SV2C: variants seen among roughly 807,000 people sequenced by gnomAD.
SV2C encodes solute carrier family 22 member B3.
A neutral mutation model predicts 79.7 loss-of-function variants in SV2C; 49 were observed. The ratio of observed to expected loss-of-function variants is 0.61; its 90% CI spans 0.49 to 0.78. The LOEUF (loss-of-function observed/expected upper bound fraction) is 0.78, where lower values mean the gene tolerates loss of function less well. Ranked by LOEUF, SV2C falls within the 30% of genes least tolerant of loss-of-function variation. SV2C has a pLI of 0.00. For synonymous variants in SV2C, 334 were observed against 333.2 expected, an observed-to-expected ratio of 1.00 and a Z score of -0.03; for missense variants, 833 against 912.9, an observed-to-expected ratio of 0.91 and a Z score of 1.13.
At chr5:75,886,749 G>A in the SV2C span, among the ~76,000 whole-genome samples, 11 of 152,068 alleles carry the variant, frequency 7.2e-5, no homozygotes, top group African/African-American at 1.9e-4. Context: ...CTTGGTGGTC[G>A]AGGGGCGGTG....
chr5:75,864,789 A>G, the SV2C span, among the ~76,000 whole-genome samples: 1 of 152,250 alleles, frequency 6.6e-6, no homozygotes, highest in Non-Finnish European at 1.5e-5. Context: ...AAGTAGACAG[A>G]TTGGCTGATA....
chr5:75,905,932 A>T, the SV2C span, among the ~76,000 whole-genome samples: 1 of 148,156 alleles, frequency 6.7e-6, no homozygotes, highest in East Asian at 2.0e-4. Flanking sequence ...ATGAAGTCAT[A>T]CTAGATAGGG....
intron 4 of SV2C, among the ~76,000 whole-genome samples, chr5:76,274,166 C>T (rs748713969): frequency 3.9e-5 from 6 of 152,204 alleles, no homozygotes; most frequent in Non-Finnish European, 7.3e-5. Context: ...TTTCTCCTCT[C>T]TCTTCTCCCA....
At chr5:76,053,686 A>G in the SV2C span, among the ~76,000 whole-genome samples, 1 of 152,126 alleles carries the variant, frequency 6.6e-6, no homozygotes, top group African/African-American at 2.4e-5. Context: ...TAGGCAACTC[A>G]ATTGTGCTTC....
intron 1 of SV2C, among the ~76,000 whole-genome samples, chr5:76,086,414 A>G (rs905527061): frequency 6.6e-6 from 1 of 152,174 alleles, no homozygotes; most frequent in African/African-American, 2.4e-5. Flanking sequence ...TATTCATATT[A>G]CTCCAGATGA....
At chr5:75,939,045 A>G in the SV2C span, among the ~76,000 whole-genome samples, 1 of 152,182 alleles carries the variant, frequency 6.6e-6, no homozygotes, top group African/African-American at 2.4e-5. Flanking sequence ...TAAACAGGAA[A>G]GATGGGAGGG....
the SV2C span, among the ~76,000 whole-genome samples, chr5:76,063,957 A>G: frequency 2.0e-5 from 3 of 151,464 alleles, no homozygotes; most frequent in Admixed American, 2.0e-4. Flanking sequence ...CTGGATGCCT[A>G]TGAGTTTTGT....
chr5:76,001,414 C>T, the SV2C span, among the ~76,000 whole-genome samples: 6 of 152,108 alleles, frequency 3.9e-5, no homozygotes, highest in African/African-American at 1.4e-4. Context: ...TCCTGGCTAA[C>T]ACGCTGGTCT....
At chr5:75,973,502 AAAG>A in the SV2C span, among the ~76,000 whole-genome samples, 1 of 149,158 alleles carries the variant, frequency 6.7e-6, no homozygotes. Flanking sequence ...CAAAAGAAAA[AAAG>A]AAAAAAAAGA....
At position 76,325,653 on chromosome 5, in the gene SV2C, A is replaced by T; in HGVS notation, c.*106A>T. ...TTCCTATATAGAAAGGTGATCAAGTATCAGAACATAAACACGTGCTGTGAC... is the reference window on the plus strand; with the variant it reads ...TTCCTATATAGAAAGGTGATCAAGTTTCAGAACATAAACACGTGCTGTGAC... On this transcript the variant is annotated 3_prime_UTR_variant, in exon 13 of 13. Transcript: ENST00000502798. The T allele has an allele frequency of 1.4e-6, 2 of 1,478,476 alleles. No individual in the cohort carries two copies. The highest frequency in any genetic ancestry group is 1.8e-6 in the Non-Finnish European group (2 of 1,104,024). The allele number at this position is 1,478,476 out of a possible 1,614,324, so 91.6% of individuals were successfully genotyped here.
At chr5:75,946,090 A>G in the SV2C span, among the ~76,000 whole-genome samples, 1 of 152,130 alleles carries the variant, frequency 6.6e-6, no homozygotes, top group Non-Finnish European at 1.5e-5. Flanking sequence ...TACAAACAAT[A>G]AAATCAATGA....
At chr5:76,314,741 T>C (rs745902240) in intron 12 of SV2C, among the ~76,000 whole-genome samples, 5 of 152,172 alleles carry the variant, frequency 3.3e-5, no homozygotes, top group Non-Finnish European at 5.9e-5. Flanking sequence ...CCCAGATGTC[T>C]GACTCAGTGG....
the SV2C span, among the ~76,000 whole-genome samples, chr5:76,035,393 G>A: frequency 0.82 from 124,232 of 151,962 alleles, 51,431 homozygotes; most frequent in African/African-American, 0.95. Flanking sequence ...ATTTAGTGCT[G>A]TAAATTTCCC....
At chr5:76,086,507 G>T (rs1021466207) in intron 1 of SV2C, among the ~76,000 whole-genome samples, 1 of 152,116 alleles carries the variant, frequency 6.6e-6, no homozygotes, top group African/African-American at 2.4e-5. Context: ...ATACACCAGC[G>T]TATTTCTTGG....
At chr5:75,860,975 T>C in the SV2C span, among the ~76,000 whole-genome samples, 1 of 152,202 alleles carries the variant, frequency 6.6e-6, no homozygotes, top group South Asian at 2.1e-4. Flanking sequence ...CTTCAAACTA[T>C]AAGAATCTTA....
the SV2C span, among the ~76,000 whole-genome samples, chr5:75,921,835 G>A: frequency 6.6e-6 from 1 of 151,048 alleles, no homozygotes. Flanking sequence ...TTTTTTTTAA[G>A]CCTGTAAAGT....
At chr5:75,949,599 G>C in the SV2C span, among the ~76,000 whole-genome samples, 3 of 151,930 alleles carry the variant, frequency 2.0e-5, no homozygotes, top group Admixed American at 1.3e-4. Flanking sequence ...TTCCCATGGT[G>C]GTGAATATGT....
the SV2C span, among the ~76,000 whole-genome samples, chr5:75,989,966 C>A: frequency 3.6e-3 from 392 of 110,060 alleles, 3 homozygotes; most frequent in African/African-American, 0.013. Flanking sequence ...ATGTCCTTGG[C>A]CCCCTTTTTA....
intron 11 of SV2C, 30 bp downstream of exon 11, chr5:76,300,962 G>T (rs753742459): frequency 6.2e-7 from 1 of 1,611,418 alleles, no homozygotes; most frequent in Admixed American, 1.7e-5. Context: ...TCAAATAAAA[G>T]AGCTGCCCCT....
Sources: gnomAD v4.1 joint callset for allele counts (sites outside exome capture counted in the v4.1 genomes callset) on GRCh38, gnomAD v4.1.1 for gene constraint, MANE v1.5 for transcripts, NCBI Gene and HGNC (gene_info 2026-07-23, HGNC 2026-07-21) for gene names.